The following HIP1 variants were observed in gnomAD, a reference collection of about 807,000 sequenced individuals.
HIP1 encodes huntingtin interacting protein 1.
A neutral mutation model predicts 147.6 loss-of-function variants in HIP1; 65 were observed. The observed-to-expected ratio is 0.44, with a 90% CI of 0.36 to 0.54. The LOEUF (loss-of-function observed/expected upper bound fraction) is 0.54, where lower values mean the gene tolerates loss of function less well. Ranked by LOEUF, HIP1 falls within the 20% of genes least tolerant of loss-of-function variation. HIP1 has a pLI of 0.00. For synonymous variants in HIP1, 479 were observed against 504.0 expected, an observed-to-expected ratio of 0.95 and a Z score of 0.67; for missense variants, 1,061 against 1,299.6, an observed-to-expected ratio of 0.82 and a Z score of 2.82.
intron 1 of HIP1, among the ~76,000 whole-genome samples, chr7:75,615,760 C>A (rs139756778): frequency 6.6e-6 from 1 of 150,648 alleles, no homozygotes; most frequent in Non-Finnish European, 1.5e-5. Flanking sequence ...GGTGACACAG[C>A]GAGACTCTGT....
chr7:75,589,891 C>T (rs981585593), intron 4 of HIP1, among the ~76,000 whole-genome samples: 1 of 151,630 alleles, frequency 6.6e-6, no homozygotes, highest in Non-Finnish European at 1.5e-5. Flanking sequence ...CCACCACGCC[C>T]GGCTAATTTT....
At chr7:75,728,566 G>C (rs1237766710) in intron 1 of HIP1, among the ~76,000 whole-genome samples, 1 of 152,202 alleles carries the variant, frequency 6.6e-6, no homozygotes, top group African/African-American at 2.4e-5. Flanking sequence ...CCAATGAATG[G>C]GGAGCAGAAA....
At chr7:75,544,491 T>C (rs1794464936) in intron 27 of HIP1, among the ~76,000 whole-genome samples, 1 of 152,146 alleles carries the variant, frequency 6.6e-6, no homozygotes. Flanking sequence ...CCAAGTACCA[T>C]CTAACCTAGC....
At chr7:75,726,132 C>T (rs1352081975) in intron 1 of HIP1, among the ~76,000 whole-genome samples, 1 of 152,196 alleles carries the variant, frequency 6.6e-6, no homozygotes, top group Non-Finnish European at 1.5e-5. Context: ...GCGTGAGCCA[C>T]CGCGCCCAGC....
intron 1 of HIP1, among the ~76,000 whole-genome samples, chr7:75,734,175 G>A (rs973747499): frequency 1.3e-5 from 2 of 151,948 alleles, no homozygotes; most frequent in African/African-American, 4.8e-5. Flanking sequence ...GAACCCAGGA[G>A]GCGAAGGTTG....
Position 75,595,334 on chromosome 7 carries a change from G to A in HIP1, c.185-2820C>T, listed in dbSNP as rs117356743. Among the ~76,000 whole-genome samples the A allele has an allele frequency of 2.8e-3, 331 of 116,850 alleles. 1 individual carries two copies. Among genetic ancestry groups the A allele is most frequent in the East Asian group, 0.026 (107 of 4,074 alleles). 76.7% of individuals were successfully genotyped at this position (116,850 alleles called of 152,430 possible). ...CCTTCCTTCCCTCCCTCTCTCTCTC[G>A]TTCGTTCTTTCTTTCTATTTTTTTT... On this transcript the variant is annotated intron_variant, in intron 2 of 30. Transcript: ENST00000336926.
At chr7:75,704,850 G>A (rs1046443553) in intron 1 of HIP1, among the ~76,000 whole-genome samples, 1 of 152,196 alleles carries the variant, frequency 6.6e-6, no homozygotes, top group Non-Finnish European at 1.5e-5. Flanking sequence ...TGGGATTACA[G>A]GCATGAGCCA....
At chr7:75,571,823 A>G (rs1795645701) in intron 8 of HIP1, among the ~76,000 whole-genome samples, 1 of 152,122 alleles carries the variant, frequency 6.6e-6, no homozygotes, top group East Asian at 1.9e-4. Context: ...AGCTCAAGCG[A>G]TCTGCCTGCA....
intron 1 of HIP1, among the ~76,000 whole-genome samples, chr7:75,734,231 G>A (rs530741104): frequency 6.6e-6 from 1 of 151,242 alleles, no homozygotes; most frequent in Admixed American, 6.6e-5. Context: ...GAGCAACAGA[G>A]TGAGACTCTG....
Position 75,568,288 on chromosome 7 carries a change from A to AG in HIP1, c.746-33dup. 1 of 1,494,524 alleles carries AG rather than the reference A, an allele frequency of 6.7e-7. No homozygotes were observed. The highest frequency in any genetic ancestry group is 9.3e-7 in the Non-Finnish European group (1 of 1,072,110). 92.6% of individuals were successfully genotyped at this position (1,494,524 alleles called of 1,614,324 possible). ...GAAATTGGAAAGAGTGTGAGAGGGG[A>AG]GGGGGACCAGAGGGCAGGGAAGCCA... On this transcript the variant is annotated intron_variant, in intron 8 of 30. Coordinates refer to ENST00000336926, the MANE Select transcript of HIP1 (RefSeq NM_005338.7). The surrounding 1 kb of genome is among the most constrained non-coding windows in gnomAD (Gnocchi z 4.1).
intron 22 of HIP1, among the ~76,000 whole-genome samples, chr7:75,549,817 G>A (rs1216968319): frequency 6.9e-6 from 1 of 145,026 alleles, no homozygotes; most frequent in African/African-American, 2.6e-5. Flanking sequence ...GTACAGAGGT[G>A]CACCACCAAG....
intron 1 of HIP1, among the ~76,000 whole-genome samples, chr7:75,731,530 A>T (rs1801838864): frequency 1.3e-5 from 2 of 151,750 alleles, no homozygotes; most frequent in South Asian, 4.2e-4. Context: ...TAAATGGAAA[A>T]ATGGGGTTCA....
Position 75,562,097 on chromosome 7 carries a change from T to G in HIP1, c.1094A>C (p.Gln365Pro), listed in dbSNP as rs1186757255. The change falls in exon 12 of 31, where the codon CAA becomes CCA. Residue 365 changes from glutamine (Q) to proline (P), a missense_variant. This residue lies in a region of HIP1 where 810 missense variants were observed against 946.8 expected (regional missense o/e 0.86). Coordinates refer to ENST00000336926, the MANE Select transcript of HIP1 (RefSeq NM_005338.7). Reference protein sequence around the residue: ...FSSDPFNFNSQNGVNKDEKDH... With the variant: ...FSSDPFNFNSPNGVNKDEKDH... ...CTTCTCATCCTTGTTCACACCATTT[T>G]GACTGTTGAAATTGAAGGGATCACT... 3 of 1,612,112 alleles carry G rather than the reference T, an allele frequency of 1.9e-6. No homozygotes were observed. The highest frequency in any genetic ancestry group is 1.3e-5 in the African/African-American group (1 of 75,010).
At chr7:75,715,456 CACAGAG>C (rs782790739) in intron 1 of HIP1, among the ~76,000 whole-genome samples, 5,061 of 143,538 alleles carry the variant, frequency 0.035, 93 homozygotes, top group Non-Finnish European at 0.048. Flanking sequence ...GAGAGACACA[CACAGAG>C]AGAGAGAGAG....
In HIP1 at chr7:75,534,417, CTATT is replaced by C. The variant is rs1794006157; in HGVS notation, c.*3751_*3754del. 5.2e-6 allele frequency: 1 copy of C among 190,868 alleles called. No homozygotes were observed. The highest frequency in any genetic ancestry group is 1.1e-5 in the Non-Finnish European group (1 of 91,362). The allele number at this position is 190,868 out of a possible 1,614,324, so 11.8% of individuals were successfully genotyped here. ...ACCCTGCCAAGATGGCTCTTCTCTT[CTATT>C]TCTTTCTCTCTCTCTCTCTTTTTTT... On this transcript the variant is annotated 3_prime_UTR_variant, in exon 31 of 31. Coordinates refer to ENST00000336926, the MANE Select transcript of HIP1 (RefSeq NM_005338.7).
intron 23 of HIP1, among the ~76,000 whole-genome samples, chr7:75,548,038 G>GT (rs1462561088): frequency 6.6e-6 from 1 of 151,988 alleles, no homozygotes; most frequent in Non-Finnish European, 1.5e-5. Flanking sequence ...GTGTCATTTT[G>GT]TTTTGTTTTG....
At chr7:75,574,027 A>G (rs1244621648) in intron 7 of HIP1, 126 bp from the exon 8 acceptor site, 9 of 703,566 alleles carry the variant, frequency 1.3e-5, no homozygotes, top group Non-Finnish European at 1.7e-5. Flanking sequence ...TACCTCATCT[A>G]ATTCATTTAA....
chr7:75,623,302 A>T lies in HIP1; in HGVS notation c.121-24055T>A, dbSNP rs182593286. ...GAGCTGGAGGCAATGAGTGCTCTAC[A>T]GGGTTTCTGCTGTGAAGAGGGACAG... On this transcript the variant is annotated intron_variant, in intron 1 of 30. Transcript: ENST00000336926. Among the ~76,000 whole-genome samples the T allele has an allele frequency of 4.4e-3, 671 of 151,490 alleles. 2 individuals are homozygous for T. Among genetic ancestry groups the T allele is most frequent in the Middle Eastern group, 0.017 (5 of 292 alleles).
intron 1 of HIP1, among the ~76,000 whole-genome samples, chr7:75,672,627 CCTT>C (rs1799759622): frequency 1.3e-5 from 2 of 152,124 alleles, no homozygotes; most frequent in African/African-American, 4.8e-5. Flanking sequence ...CATACTTGGT[CCTT>C]CTTACATTCT....
Sources: allele counts gnomAD v4.1 joint callset (sites outside exome capture counted in the v4.1 genomes callset), GRCh38; gene constraint gnomAD v4.1.1; regional missense constraint gnomAD v4.1.1; non-coding constraint Gnocchi (gnomAD v3.1); transcripts MANE v1.5; gene names NCBI Gene and HGNC (gene_info 2026-07-23, HGNC 2026-07-21).